Variants in SFSWAP observed in about 807,000 individuals in gnomAD.
SFSWAP encodes the protein splicing factor, suppressor of white-apricot homolog.
Under a neutral mutation model 100.7 loss-of-function variants are expected in SFSWAP, and 17 were observed. That is an observed-to-expected ratio of 0.17 (90% confidence interval 0.12 to 0.25). SFSWAP has a LOEUF of 0.25. Ranked by LOEUF, SFSWAP falls within the 10% of genes least tolerant of loss-of-function variation. The pLI is 1.00. For missense variants in SFSWAP, 1,005 were observed against 1,262.6 expected, an observed-to-expected ratio of 0.80 and a Z score of 3.09; for synonymous variants, 504 against 510.1, an observed-to-expected ratio of 0.99 and a Z score of 0.16.
intron 7 of SFSWAP, among the ~76,000 whole-genome samples, chr12:131,749,140 TGCCCTGAGCACATTTAA>T: frequency 6.6e-6 from 1 of 152,320 alleles, no homozygotes; most frequent in East Asian, 1.9e-4. Context: ...CTACTGTAGG[TGCCCTGAGCACATTTAA>T]GGCAGGTGAG....
At chr12:131,719,339 A>G (rs889351154) in intron 3 of SFSWAP, 115 bp from the exon 4 acceptor site, 20 of 737,048 alleles carry the variant, frequency 2.7e-5, no homozygotes, top group South Asian at 2.6e-4. Context: ...AGGAGTAACA[A>G]CAGAAGGTAA....
At chr12:131,781,462 C>A (rs985788708) in intron 14 of SFSWAP, among the ~76,000 whole-genome samples, 1 of 152,016 alleles carries the variant, frequency 6.6e-6, no homozygotes, top group African/African-American at 2.4e-5. Context: ...TGGTCTCGAT[C>A]TCCTGACCTC....
At chr12:131,739,451 CTT>C (rs1223348160) in intron 7 of SFSWAP, among the ~76,000 whole-genome samples, 2 of 147,532 alleles carry the variant, frequency 1.4e-5, no homozygotes, top group African/African-American at 2.5e-5. Flanking sequence ...ATATTTATGA[CTT>C]TGGTTCCTTT....
chr12:131,790,700 A>G (rs1354025956), intron 15 of SFSWAP, among the ~76,000 whole-genome samples: 3 of 152,206 alleles, frequency 2.0e-5, no homozygotes, highest in Non-Finnish European at 4.4e-5. Context: ...ATTAGTTACA[A>G]GTTTTTCCCA....
chr12:131,733,888 G>A lies in SFSWAP; in HGVS notation c.1081+5460G>A, dbSNP rs527768738. ...CCCATGCAGCTTCATCCTCCAGGGC[G>A]TGGTCTCCAGATGACTTACCTCCTA... is the stretch of plus-strand genomic sequence containing the variant. On this transcript the variant is annotated intron_variant, in intron 7 of 17. Coordinates refer to ENST00000261674, the MANE Select transcript of SFSWAP (RefSeq NM_004592.4). This position sits in a 1 kb window ranked among gnomAD's most constrained non-coding sequence, Gnocchi z 5.1. Among the ~76,000 whole-genome samples the A allele has an allele frequency of 1.3e-4, 20 of 152,286 alleles. No homozygotes were observed. Among genetic ancestry groups the A allele is most frequent in the African/African-American group, 4.1e-4 (17 of 41,562 alleles).
intron 4 of SFSWAP, chr12:131,723,331 T>G (rs1878662321): frequency 6.6e-6 from 1 of 152,170 alleles, no homozygotes; most frequent in Admixed American, 6.5e-5. Flanking sequence ...CCGCACTTTG[T>G]TTTCTAAGTG....
At chr12:131,767,859 T>C (rs1883244090) in intron 13 of SFSWAP, among the ~76,000 whole-genome samples, 1 of 151,384 alleles carries the variant, frequency 6.6e-6, no homozygotes, top group Non-Finnish European at 1.5e-5. Context: ...GGGAGGAGGG[T>C]GAAGATCAAA....
intron 1 of SFSWAP, chr12:131,712,328 G>A (rs1213135381): frequency 6.6e-6 from 1 of 152,186 alleles, no homozygotes; most frequent in East Asian, 1.9e-4. Context: ...CATGATGTAG[G>A]TGGTTTGCTC....
chr12:131,766,411 G>A, intron 13 of SFSWAP, 103 bp downstream of exon 13: 1 of 1,023,294 alleles, frequency 9.8e-7, no homozygotes, highest in Non-Finnish European at 1.5e-6. Flanking sequence ...CTGAGTGAGG[G>A]ATATGAGCTC....
chr12:131,713,206 C>T (rs537483025), intron 1 of SFSWAP: 1 of 152,130 alleles, frequency 6.6e-6, no homozygotes, highest in Non-Finnish European at 1.5e-5. Context: ...AGTTCACTAA[C>T]TCATTCATTT....
Position 131,778,086 on chromosome 12 carries a change from C to T in SFSWAP, c.2164C>T (p.Pro722Ser), listed in dbSNP as rs2136255717. ...TTAGGAATCCAGCACTACGCCCTGC[C>T]CTCTACTGACTGGAGGCAGGCCTCT... ...SVEESSTTPC[P>S]LLTGGRPLPT... is the part of the protein sequence containing the mutation. The change falls in exon 14 of 18, where the codon CCT becomes TCT. Residue 722 changes from proline to serine, a missense_variant. Coordinates refer to ENST00000261674, the MANE Select transcript of SFSWAP (RefSeq NM_004592.4). The surrounding 1 kb of genome is among the most constrained non-coding windows in gnomAD (Gnocchi z 4.2). 1 of 1,613,162 alleles carries T rather than the reference C, an allele frequency of 6.2e-7. No homozygotes were observed. Among genetic ancestry groups the T allele is most frequent in the Admixed American group, 1.7e-5 (1 of 59,726 alleles).
At chr12:131,715,101 C>A in intron 3 of SFSWAP, 148 bp downstream of exon 3, 1 of 707,094 alleles carries the variant, frequency 1.4e-6, no homozygotes, top group Non-Finnish European at 2.3e-6. Context: ...GATATTCCTT[C>A]TTTTGGTAAA....
chr12:131,721,849 T>A (rs183759524), intron 4 of SFSWAP, among the ~76,000 whole-genome samples: 1 of 152,370 alleles, frequency 6.6e-6, no homozygotes, highest in East Asian at 1.9e-4. Context: ...GAATGTTGTT[T>A]TGACTTTGTG....
At chr12:131,755,114 C>A (rs573516487) in intron 9 of SFSWAP, among the ~76,000 whole-genome samples, 13 of 152,164 alleles carry the variant, frequency 8.5e-5, no homozygotes, top group African/African-American at 3.1e-4. Context: ...TAGACACAAA[C>A]CCTTCTTTTT....
intron 4 of SFSWAP, among the ~76,000 whole-genome samples, chr12:131,721,017 T>A (rs1023715169): frequency 6.6e-6 from 1 of 152,178 alleles, no homozygotes; most frequent in Non-Finnish European, 1.5e-5. Context: ...AGGAAACTTA[T>A]AGTCATGGCG....
rs1318169496 is a variant in SFSWAP at position 131,730,227 on chromosome 12, C to T, written c.1081+1799C>T. 6.6e-6 allele frequency among the ~76,000 whole-genome samples: 1 copy of T among 152,230 alleles called. No homozygotes were observed. The highest frequency in any genetic ancestry group is 2.4e-5 in the African/African-American group (1 of 41,466). ...ACTCGGCAGCCTGTGAAGCTCCCGC[C>T]CTGGAGTCATGGGGCGCTGTGCTCT... On this transcript the variant is annotated intron_variant, in intron 7 of 17. Transcript: ENST00000261674. This position sits in a 1 kb window ranked among gnomAD's most constrained non-coding sequence, Gnocchi z 4.0.
chr12:131,739,683 G>A (rs957984419), intron 7 of SFSWAP, among the ~76,000 whole-genome samples: 1 of 151,396 alleles, frequency 6.6e-6, no homozygotes, highest in Non-Finnish European at 1.5e-5. Flanking sequence ...GCAGCTGGGA[G>A]TACAGGCGCC....
At chr12:131,797,420 C>G in intron 16 of SFSWAP, 60 bp downstream of exon 16, 1 of 1,433,636 alleles carries the variant, frequency 7.0e-7, no homozygotes, top group South Asian at 1.3e-5. Context: ...CAGCAGGACT[C>G]TCCCTCCTCC....
rs1400212003 is a variant in SFSWAP, at chr12:131,794,473, G to T, written c.2535-2705G>T. Among the ~76,000 whole-genome samples, 2 of 152,174 alleles carry T rather than the reference G, an allele frequency of 1.3e-5. No individual in the cohort carries two copies. The highest frequency in any genetic ancestry group is 4.8e-5 in the African/African-American group (2 of 41,434). On this transcript the variant is annotated intron_variant, in intron 15 of 17. Coordinates refer to ENST00000261674, the MANE Select transcript of SFSWAP (RefSeq NM_004592.4). This position sits in a 1 kb window ranked among gnomAD's most constrained non-coding sequence, Gnocchi z 4.8. The stretch of plus-strand genomic sequence containing the variant: ...GATCACTGGAGCCTGGGAGGTCAAG[G>T]CTACAGTGAGCAGGGATTATGCCCC...
Sources: allele counts gnomAD v4.1 joint callset (sites outside exome capture counted in the v4.1 genomes callset), GRCh38; gene constraint gnomAD v4.1.1; non-coding constraint Gnocchi (gnomAD v3.1); transcripts MANE v1.5; gene names NCBI Gene and HGNC (gene_info 2026-07-23, HGNC 2026-07-21).